Variants in IRAK1 observed in about 807,000 individuals in gnomAD.
IRAK1 encodes the protein interleukin 1 receptor associated kinase 1.
Under a neutral mutation model 49.8 loss-of-function variants are expected in IRAK1, and 9 were observed. The observed-to-expected ratio is 0.18, with a 90% CI of 0.11 to 0.32. The LOEUF is 0.32. Ranked by LOEUF, IRAK1 falls within the 10% of genes least tolerant of loss-of-function variation. The pLI is 1.00. For synonymous variants in IRAK1, 282 were observed against 270.8 expected (o/e 1.04, Z -0.41); for missense variants, 418 against 600.5 (o/e 0.70, Z 3.18).
rs1557130838 is a variant in IRAK1 at position 154,019,425 on chromosome X, G to A, written c.304+6C>T. The A allele has an allele frequency of 9.0e-7, 1 of 1,111,787 alleles. No individual in the cohort carries two copies. The highest frequency in any genetic ancestry group is 1.2e-6 in the Non-Finnish European group (1 of 830,877). The allele number at this position is 1,111,787 out of a possible 1,213,427, so 91.6% of individuals were successfully genotyped here. ...AGCCGTGGGGTGCCCGGAGTCCCGCGCTCACAGGCTGTGATGATGTCCCGC... is the reference window on the plus strand; with the variant it reads ...AGCCGTGGGGTGCCCGGAGTCCCGCACTCACAGGCTGTGATGATGTCCCGC... On this transcript the variant is annotated splice_donor_region_variant and intron_variant, in intron 2 of 13. Transcript: ENST00000369980.
Position 154,018,085 on chromosome X carries a change from T to C in IRAK1, c.830A>G (p.Tyr277Cys). 1.7e-6 allele frequency: 2 copies of C among 1,210,819 alleles called. No homozygotes were observed. The highest frequency in any genetic ancestry group is 1.8e-5 in the South Asian group (1 of 57,024). ...RHPNIVDFAG[Y>C]CAQNGFYCLV... ...GCAGTAGAAGCCGTTCTGAGCACAG[T>C]AGCCAGCAAAGTCCACAATGTTTGG... The change falls in exon 7 of 14, where the codon TAC becomes TGC. Residue 277 changes from tyrosine to cysteine, a missense_variant. Physicochemically the swap from Tyr to Cys is radical, Grantham distance 194. Coordinates refer to ENST00000369980, the MANE Select transcript of IRAK1 (RefSeq NM_001569.4).
In IRAK1 at chrX:154,017,035, C is replaced by T; in HGVS notation, c.942G>A (p.Gln314=). Residue 314 remains glutamine, a synonymous_variant, in exon 8 of 14, where the codon CAG becomes CAA. Transcript: ENST00000369980. ...TQACPPLSWP[Q]RLDILLGTAR... ...CTGTACCCAGAAGGATGTCCAGTCGCTGAGGCCAGGAGAGAGGTGGGCAGG... is the reference window on the plus strand; with the variant it reads ...CTGTACCCAGAAGGATGTCCAGTCGTTGAGGCCAGGAGAGAGGTGGGCAGG... 3.3e-6 allele frequency: 4 copies of T among 1,210,210 alleles called. No individual in the cohort carries two copies. Among genetic ancestry groups the T allele is most frequent in the South Asian group, 1.8e-5 (1 of 56,985 alleles).
chrX:154,016,898 C>G (rs1213147789), intron 8 of IRAK1, 51 bp downstream of exon 8: 8 of 944,898 alleles, frequency 8.5e-6, no homozygotes, highest in Non-Finnish European at 1.1e-5. Flanking sequence ...GGACGCGGGG[C>G]CCCCCTTGCT....
At chrX:154,014,373 A>T (rs1271790601) in intron 10 of IRAK1, 95 bp from the exon 11 acceptor site, 32 of 36,086 alleles carry the variant, frequency 8.9e-4, no homozygotes, top group African/African-American at 2.8e-3. Context: ...GGTTTTGATA[A>T]AAAAAAAAAA....
rs782106693 is a variant in IRAK1 at position 154,018,689 on chromosome X, C to T, written c.639G>A (p.Ser213=). Residue 213 remains serine, a synonymous_variant, in exon 5 of 14, where the codon TCG becomes TCA. Transcript: ENST00000369980. Reference sequence around the variant, plus strand: ...CACCCTCCCCGATCTTGAGCTCCTCCGAGAAGTTGTGGGTGCCCCGGGAAA... The same window carrying T: ...CACCCTCCCCGATCTTGAGCTCCTCTGAGAAGTTGTGGGTGCCCCGGGAAA... The part of the protein sequence containing the change: ...CEISRGTHNF[S]EELKIGEGGF... 6.4e-5 allele frequency: 76 copies of T among 1,195,907 alleles called. No homozygotes were observed. The highest frequency in any genetic ancestry group is 7.7e-5 in the Non-Finnish European group (68 of 882,744).
intron 10 of IRAK1, among the ~76,000 whole-genome samples, chrX:154,014,634 C>T (rs1254782656): frequency 1.8e-5 from 2 of 111,814 alleles, no homozygotes; most frequent in Admixed American, 9.5e-5. Flanking sequence ...CCTCCCACCT[C>T]GGCCTCCCGA....
intron 10 of IRAK1, chrX:154,014,519 T>C: frequency 2.7e-6 from 1 of 372,796 alleles, no homozygotes; most frequent in Middle Eastern, 7.3e-4. Context: ...TTGGTCTTTC[T>C]ACAACTTACT....
rs900555921 is a variant in IRAK1 at position 154,014,026 on chromosome X, G to C, written c.1539+16C>G. 1.1e-5 allele frequency: 13 copies of C among 1,195,747 alleles called. No individual in the cohort carries two copies. The highest frequency in any genetic ancestry group is 1.1e-5 in the Non-Finnish European group (10 of 890,069). On this transcript the variant is annotated intron_variant, in intron 11 of 13. Coordinates refer to ENST00000369980, the MANE Select transcript of IRAK1 (RefSeq NM_001569.4). The stretch of plus-strand genomic sequence containing the variant: ...CTTTCTATCTGGCCACCCCGTCCCA[G>C]TGCGCAGCTGGCTACCTGGGTCATA...
chrX:154,014,195 T>G lies in IRAK1; in HGVS notation c.1386A>C (p.Ala462=), dbSNP rs782096708. The part of the protein sequence containing the change: ...TQSTLQAGLA[A]DAWAAPIAMQ... ...TGGCGATGGGAGCAGCCCAGGCATCTGCAGCCAGACCTGCTTGCAGTGTGC... is the reference window on the plus strand; with the variant it reads ...TGGCGATGGGAGCAGCCCAGGCATCGGCAGCCAGACCTGCTTGCAGTGTGC... The change falls in exon 11 of 14, where the codon GCA becomes GCC. Residue 462 remains alanine (A), a synonymous_variant. Transcript: ENST00000369980. 42 of 1,210,259 alleles carry G rather than the reference T, an allele frequency of 3.5e-5. No individual in the cohort carries two copies. The highest frequency in any genetic ancestry group is 4.5e-5 in the Non-Finnish European group (40 of 894,939).
chrX:154,011,116 G>T lies in IRAK1; in HGVS notation c.*743C>A, dbSNP rs1291901490. The T allele has an allele frequency of 3.0e-6, 1 of 338,628 alleles. No individual in the cohort carries two copies. The highest frequency in any genetic ancestry group is 5.9e-6 in the Non-Finnish European group (1 of 169,676). 27.9% of individuals were successfully genotyped at this position (338,628 alleles called of 1,213,427 possible). ...GTTTTTCTTTTTGAAACAGGGTCTT[G>T]CTCTGTCACCCAGGCTGGAGTGCAG... On this transcript the variant is annotated 3_prime_UTR_variant, in exon 14 of 14. Coordinates refer to ENST00000369980, the MANE Select transcript of IRAK1 (RefSeq NM_001569.4).
chrX:154,013,099 G>C lies in IRAK1; in HGVS notation c.1874C>G (p.Thr625Arg), dbSNP rs35638718. ...LREAGCPQGD[T>R]AGESSWGSGP... ...ACTCCCCCAGCTCGATTCTCCTGCC[G>C]TGTCCCCCTGAGGACAGCCGGCCTC... The change falls in exon 12 of 14, where the codon ACG becomes AGG. Residue 625 changes from threonine (T) to arginine (R), a missense_variant. Transcript: ENST00000369980. 1.7e-6 allele frequency: 2 copies of C among 1,209,704 alleles called. No individual in the cohort carries two copies. The highest frequency in any genetic ancestry group is 2.2e-6 in the Non-Finnish European group (2 of 895,279).
chrX:154,018,397 C>T (rs782476511), intron 5 of IRAK1, 42 bp from the exon 6 acceptor site: 3 of 1,085,547 alleles, frequency 2.8e-6, no homozygotes, highest in Non-Finnish European at 3.8e-6. Flanking sequence ...GCAGGGAAGA[C>T]GGGCAGCGTG....
rs1034334232 is a variant in IRAK1 at position 154,011,210 on chromosome X, C to G, written c.*649G>C. The G allele has an allele frequency of 6.7e-6, 2 of 297,892 alleles. No homozygotes were observed. Among genetic ancestry groups the G allele is most frequent in the East Asian group, 2.0e-4 (2 of 9,947 alleles). The allele number at this position is 297,892 out of a possible 1,213,427, so 24.5% of individuals were successfully genotyped here. A position where few individuals can be genotyped will look rare whatever the true frequency, so the allele number is the denominator to read the frequency against. On this transcript the variant is annotated 3_prime_UTR_variant, in exon 14 of 14. Transcript: ENST00000369980. ...AATGATCCTCCTACTTCAGCCTCCC[C>G]AGCAGCTGGGACCACAGGCGTGCGC... is the stretch of plus-strand genomic sequence containing the variant.
chrX:154,019,665 G>A lies in IRAK1; in HGVS notation c.136+12C>T. The A allele has an allele frequency of 2.1e-6, 2 of 965,569 alleles. No homozygotes were observed. Among genetic ancestry groups the A allele is most frequent in the African/African-American group, 2.0e-5 (1 of 49,236 alleles). The allele number at this position is 965,569 out of a possible 1,213,427, so 79.6% of individuals were successfully genotyped here. A position where few individuals can be genotyped will look rare whatever the true frequency, so the allele number is the denominator to read the frequency against. ...CGCGCCTCCCGCCCCCCGGCAGCCC[G>A]CCGCCACCCACCGAACTGGCACCAG... On this transcript the variant is annotated intron_variant, in intron 1 of 13. Coordinates refer to ENST00000369980, the MANE Select transcript of IRAK1 (RefSeq NM_001569.4).
At chrX:154,014,454 G>A (rs1177588502) in intron 10 of IRAK1, 176 bp from the exon 11 acceptor site, 4 of 464,708 alleles carry the variant, frequency 8.6e-6, no homozygotes, top group African/African-American at 2.6e-5. Flanking sequence ...TGATCCTCCC[G>A]CCTCAGCCTC....
intron 12 of IRAK1, 100 bp downstream of exon 12, chrX:154,012,943 T>C: frequency 9.6e-7 from 1 of 1,041,624 alleles, no homozygotes; most frequent in African/African-American, 1.9e-5. Flanking sequence ...GCTGAACATT[T>C]GGCCCTGGTT....
chrX:154,014,059 T>G lies in IRAK1; in HGVS notation c.1522A>C (p.Arg508=), dbSNP rs2065721532. The G allele has an allele frequency of 8.4e-7, 1 of 1,195,936 alleles. No individual in the cohort carries two copies. Among genetic ancestry groups the G allele is most frequent in the East Asian group, 3.0e-5 (1 of 33,634 alleles). Residue 508 remains arginine (R), a synonymous_variant, in exon 11 of 14, where the codon AGG becomes CGG. Transcript: ENST00000369980. ...CCCLHRRAKR[R]PPMTQVYERL... ...CTGGCTACCTGGGTCATAGGAGGCC[T>G]CCTTTTGGCCCGGCGGTGCAGGCAG... is the stretch of plus-strand genomic sequence containing the variant.
chrX:154,011,706 G>T lies in IRAK1; in HGVS notation c.*153C>A. ...CACTCTGCCTGCCTATGCCCACAGA[G>T]CCTAGAACAGCAGGGCCACCTCCTT... On this transcript the variant is annotated 3_prime_UTR_variant, in exon 14 of 14. Transcript: ENST00000369980. 1 of 562,646 alleles carries T rather than the reference G, an allele frequency of 1.8e-6. No individual in the cohort carries two copies. The highest frequency in any genetic ancestry group is 3.2e-6 in the Non-Finnish European group (1 of 316,663). The allele number at this position is 562,646 out of a possible 1,213,427, so 46.4% of individuals were successfully genotyped here. A position where few individuals can be genotyped will look rare whatever the true frequency, so the allele number is the denominator to read the frequency against.
intron 13 of IRAK1, 35 bp from the exon 14 acceptor site, chrX:154,011,952 G>T (rs782409625): frequency 1.7e-5 from 20 of 1,145,400 alleles, no homozygotes; most frequent in Non-Finnish European, 2.3e-5. Context: ...CTTAGCAAAT[G>T]GGGGAGGCTC....
Sources: allele counts gnomAD v4.1 joint callset (sites outside exome capture counted in the v4.1 genomes callset), GRCh38; gene constraint gnomAD v4.1.1; transcripts MANE v1.5; gene names NCBI Gene and HGNC (gene_info 2026-07-23, HGNC 2026-07-21).